Variants in CYP7A1 observed in about 807,000 individuals in gnomAD.
CYP7A1 encodes cytochrome P450 family 7 subfamily A member 1.
Under a neutral mutation model 43.8 loss-of-function variants are expected in CYP7A1, and 28 were observed. That is an observed-to-expected ratio of 0.64 (90% CI 0.47 to 0.88). The LOEUF is 0.88. Ranked by LOEUF, CYP7A1 falls within the 40% of genes least tolerant of loss-of-function variation. The pLI, the probability that CYP7A1 is intolerant of heterozygous loss-of-function variation, is 0.00. For missense variants in CYP7A1, 637 were observed against 611.9 expected, an observed-to-expected ratio of 1.04 and a Z score of -0.43; for synonymous variants, 227 against 222.5, an observed-to-expected ratio of 1.02 and a Z score of -0.18.
At chr8:58,491,856 A>G in intron 5 of CYP7A1, 82 bp from the exon 6 acceptor site, 3 of 1,210,724 alleles carry the variant, frequency 2.5e-6, no homozygotes, top group Non-Finnish European at 3.6e-6. Context: ...AGCTCCAAAG[A>G]GTAATTTTCT....
At position 58,498,253 on chromosome 8, in the gene CYP7A1, T is replaced by C. The variant is rs184906718; in HGVS notation, c.297A>G (p.Lys99=). 1.5e-4 allele frequency: 248 copies of C among 1,614,114 alleles called. No homozygotes were observed. In the East Asian group the frequency reaches 4.7e-3, roughly 31 times the overall value. Residue 99 remains lysine (K), a synonymous_variant, in exon 2 of 6, where the codon AAA becomes AAG. Coordinates refer to ENST00000301645, the MANE Select transcript of CYP7A1 (RefSeq NM_000780.4). ...LCHGKYFDWK[K]FHFATSAKAF... Reference sequence around the variant, plus strand: ...CCTTCGCAGAAGTAGCAAAGTGAAATTTTTTCCAATCAAAATATTTTCCGT... The same window carrying C: ...CCTTCGCAGAAGTAGCAAAGTGAAACTTTTTCCAATCAAAATATTTTCCGT...
chr8:58,499,629 T>C (rs1053365324), intron 1 of CYP7A1, among the ~76,000 whole-genome samples: 8 of 152,198 alleles, frequency 5.3e-5, no homozygotes, highest in Non-Finnish European at 8.8e-5. Context: ...AGAGTATCTA[T>C]TGAAGCCATG....
intron 2 of CYP7A1, among the ~76,000 whole-genome samples, chr8:58,497,613 C>G (rs1008205062): frequency 6.6e-6 from 1 of 152,142 alleles, no homozygotes; most frequent in African/African-American, 2.4e-5. Flanking sequence ...AACTCCTGGA[C>G]TCAAGCGATC....
At chr8:58,499,268 G>A (rs984183202) in intron 1 of CYP7A1, among the ~76,000 whole-genome samples, 2 of 152,158 alleles carry the variant, frequency 1.3e-5, no homozygotes, top group South Asian at 2.1e-4. Flanking sequence ...AAAACACATA[G>A]CAATCTACAA....
At chr8:58,492,263 T>TA (rs1478003318) in intron 5 of CYP7A1, 90 bp downstream of exon 5, 1 of 1,157,232 alleles carries the variant, frequency 8.6e-7, no homozygotes, top group African/African-American at 1.5e-5. Context: ...ACTACAATGA[T>TA]AAAATCAATT....
chr8:58,498,344 C>A lies in CYP7A1; in HGVS notation c.206G>T (p.Cys69Phe), dbSNP rs1554558853. 7 of 1,614,086 alleles carry A rather than the reference C, an allele frequency of 4.3e-6. No homozygotes were observed. Among genetic ancestry groups the A allele is most frequent in the Admixed American group, 3.3e-5 (2 of 60,018 alleles). Residue 69 changes from cysteine (C) to phenylalanine (F), a missense_variant, in exon 2 of 6, where the codon TGC (cysteine) becomes TTC (phenylalanine). Cys to Phe is a radical substitution (Grantham distance 205, BLOSUM62 -2). Coordinates refer to ENST00000301645, the MANE Select transcript of CYP7A1 (RefSeq NM_000780.4). Reference protein sequence around the residue: ...NQRKHGHVFTCKLMGKYVHFI... With the variant: ...NQRKHGHVFTFKLMGKYVHFI... The stretch of plus-strand genomic sequence containing the variant: ...ATGGACATATTTTCCCATTAGTTTG[C>A]AGGTAAAAACATGACCATGTTTCCT...
chr8:58,494,664 T>A (rs1237814597), intron 3 of CYP7A1, 28 bp from the exon 4 acceptor site: 1 of 1,611,090 alleles, frequency 6.2e-7, no homozygotes, highest in Non-Finnish European at 8.5e-7. Context: ...AAAACATGTA[T>A]GTACAGAAAA....
In CYP7A1 at chr8:58,497,188, T is replaced by G. The variant is rs1809459297; in HGVS notation, c.324A>C (p.Ala108=). 6.3e-7 allele frequency: 1 copy of G among 1,595,116 alleles called. No individual in the cohort carries two copies. The highest frequency in any genetic ancestry group is 8.5e-7 in the Non-Finnish European group (1 of 1,176,962). ...KKFHFATSAK[A]FGHRSIDPMD... ...TCGGGTCAATGCTTCTGTGCCCAAA[T>G]GCCTGATAGCAAATAAAACATGCAG... The change falls in exon 3 of 6, where the codon GCA becomes GCC. Residue 108 remains alanine, a splice_region_variant and synonymous_variant. Transcript: ENST00000301645.
At chr8:58,497,317 G>A in intron 2 of CYP7A1, 127 bp from the exon 3 acceptor site, 1 of 825,214 alleles carries the variant, frequency 1.2e-6, no homozygotes, top group Non-Finnish European at 2.0e-6. Context: ...GCTTTCCCTT[G>A]TACAAGTTCA....
In CYP7A1 at chr8:58,496,618, T is replaced by A. The variant is rs1228501501; in HGVS notation, c.894A>T (p.Leu298Phe). The A allele has an allele frequency of 6.2e-7, 1 of 1,613,780 alleles. No homozygotes were observed. The highest frequency in any genetic ancestry group is 8.5e-7 in the Non-Finnish European group (1 of 1,179,736). ...GCGTTAGTCACCTAATCATTTGAAA[T>A]AAACTCCAGAAAGTCGCTGGAATGG... ...ANTIPATFWS[L>F]FQMIRNPEAM... Residue 298 changes from leucine to phenylalanine, a missense_variant, in exon 3 of 6, where the codon TTA becomes TTT. By Grantham distance (22) the Leu-to-Phe change is conservative (BLOSUM62 0). Transcript: ENST00000301645.
Position 58,491,508 on chromosome 8 carries a change from A to T in CYP7A1, c.1482T>A (p.Asp494Glu). ...GCTTGAATTTATATTTAAATTCAAT[A>T]TCATTCAATGGCGGCAAAATGCCCA... ...AGLGILPPLN[D>E]IEFKYKFKHL is the part of the protein sequence containing the mutation. The change falls in exon 6 of 6, where the codon GAT becomes GAA. Residue 494 changes from aspartate to glutamate, a missense_variant. By Grantham distance (45) the Asp-to-Glu change is conservative. Coordinates refer to ENST00000301645, the MANE Select transcript of CYP7A1 (RefSeq NM_000780.4). The T allele has an allele frequency of 6.2e-7, 1 of 1,614,198 alleles. No individual in the cohort carries two copies. Among genetic ancestry groups the T allele is most frequent in the Non-Finnish European group, 8.5e-7 (1 of 1,180,024 alleles).
At chr8:58,498,725 G>A (rs986801185) in intron 1 of CYP7A1, among the ~76,000 whole-genome samples, 13 of 152,060 alleles carry the variant, frequency 8.5e-5, no homozygotes, top group South Asian at 2.1e-4. Flanking sequence ...ACAAGCACCC[G>A]TCTACTATGT....
chr8:58,492,581 G>A lies in CYP7A1; in HGVS notation c.1040-53C>T, dbSNP rs1214785459. The A allele has an allele frequency of 5.5e-6, 8 of 1,463,760 alleles. No homozygotes were observed. The African/African-American group carries it at 8.5e-5, about 15-fold the overall frequency. 90.7% of individuals were successfully genotyped at this position (1,463,760 alleles called of 1,614,324 possible). On this transcript the variant is annotated intron_variant, in intron 4 of 5. Coordinates refer to ENST00000301645, the MANE Select transcript of CYP7A1 (RefSeq NM_000780.4). The stretch of plus-strand genomic sequence containing the variant: ...AAAAATGAAAGAAGGAAGGGAGGAA[G>A]GAAGAGAAGAACAAACCAAGTGTTT...
At chr8:58,494,043 T>G (rs1404086918) in intron 4 of CYP7A1, among the ~76,000 whole-genome samples, 2 of 152,006 alleles carry the variant, frequency 1.3e-5, no homozygotes, top group African/African-American at 2.4e-5. Context: ...ATTGTTATAG[T>G]TCCATAAAAT....
chr8:58,495,215 T>TTATATTTATTTATTTATTTATTTA (rs369276545), intron 3 of CYP7A1, among the ~76,000 whole-genome samples: 2 of 143,404 alleles, frequency 1.4e-5, no homozygotes, highest in African/African-American at 5.3e-5. Context: ...TTTATTTTAT[T>TTATATTTATTTATTTATTTATTTA]TTTATTTATT....
intron 4 of CYP7A1, 46 bp from the exon 5 acceptor site, chr8:58,492,574 G>A (rs1396369159): frequency 6.7e-7 from 1 of 1,501,946 alleles, no homozygotes; most frequent in East Asian, 2.3e-5. Flanking sequence ...AAGAAGGAAG[G>A]GAGGAAGGAA....
intron 1 of CYP7A1, among the ~76,000 whole-genome samples, chr8:58,498,680 C>T (rs1013110637): frequency 3.9e-5 from 6 of 152,106 alleles, no homozygotes; most frequent in African/African-American, 1.2e-4. Flanking sequence ...ATTACTAAAT[C>T]CATCCATTCA....
rs918190242 is a variant in CYP7A1 at position 58,490,449 on chromosome 8, T to C, written c.*1026A>G. 5 of 152,194 alleles carry C rather than the reference T, an allele frequency of 3.3e-5. No individual in the cohort carries two copies. Among genetic ancestry groups the C allele is most frequent in the Non-Finnish European group, 5.9e-5 (4 of 68,014 alleles). 9.4% of individuals were successfully genotyped at this position (152,194 alleles called of 1,614,324 possible). On this transcript the variant is annotated 3_prime_UTR_variant, in exon 6 of 6. Coordinates refer to ENST00000301645, the MANE Select transcript of CYP7A1 (RefSeq NM_000780.4). ...AAAAGCATTTAAATAAAACATAATG[T>C]CAAGCTGCACTTAATACACTCCACA...
Position 58,494,595 on chromosome 8 carries a change from C to T in CYP7A1, c.950G>A (p.Arg317Lys), listed in dbSNP as rs1249151601. Residue 317 changes from arginine to lysine, a missense_variant, in exon 4 of 6, where the codon AGA (arginine) becomes AAA (lysine). Physicochemically the swap from Arg to Lys is conservative, Grantham distance 26. Transcript: ENST00000301645. Reference protein sequence around the residue: ...AMKAATEEVKRTLENAGQKVS... With the variant: ...AMKAATEEVKKTLENAGQKVS... ...TTTTTGACCAGCATTCTCTAATGTT[C>T]TTTTCACTTCTTCAGTAGCTGCTTT... 3 of 1,614,052 alleles carry T rather than the reference C, an allele frequency of 1.9e-6. No individual in the cohort carries two copies. In the South Asian group the frequency reaches 3.3e-5, roughly 18 times the overall value.
Sources: gnomAD v4.1 joint callset for allele counts (sites outside exome capture counted in the v4.1 genomes callset) on GRCh38, gnomAD v4.1.1 for gene constraint, MANE v1.5 for transcripts, NCBI Gene and HGNC (gene_info 2026-07-23, HGNC 2026-07-21) for gene names.